Variants in DMD observed in about 807,000 individuals in gnomAD.
DMD encodes the protein mutant dystrophin.
DMD carries 63 observed loss-of-function variants against 330.1 expected under a neutral mutation model. The ratio of observed to expected loss-of-function variants is 0.19; its 90% CI spans 0.16 to 0.24. The LOEUF is 0.24. Among genes scored for constraint, DMD ranks in the 10% least tolerant of loss-of-function variants. The probability of loss-of-function intolerance (pLI) is 1.00; values close to 1 mark genes in which losing one functional copy is unlikely to be tolerated. For synonymous variants in DMD, 1,223 were observed against 959.8 expected, an observed-to-expected ratio of 1.27 and a Z score of -5.07; for missense variants, 3,344 against 2,684.1, an observed-to-expected ratio of 1.25 and a Z score of -5.43.
intron 13 of DMD, among the ~76,000 whole-genome samples, chrX:32,588,109 C>T (rs932675921): frequency 2.0e-4 from 22 of 112,276 alleles, no homozygotes; most frequent in Non-Finnish European, 3.8e-4. Context: ...ACCGTCTGTT[C>T]ATAGGTTCAT....
intron 1 of DMD, among the ~76,000 whole-genome samples, chrX:33,057,194 A>G (rs1243726856): frequency 9.0e-6 from 1 of 111,377 alleles, no homozygotes; most frequent in Non-Finnish European, 1.9e-5. Context: ...CTTCTACAAT[A>G]GCAAAATTCA....
chrX:31,215,524 G>T (rs1052055167), intron 64 of DMD, among the ~76,000 whole-genome samples: 1 of 111,444 alleles, frequency 9.0e-6, no homozygotes. Context: ...AATGTCTTTT[G>T]GTTCTTCTTT....
intron 17 of DMD, among the ~76,000 whole-genome samples, chrX:32,522,254 C>T (rs2046503925): frequency 1.8e-5 from 2 of 111,899 alleles, no homozygotes; most frequent in African/African-American, 3.2e-5. Context: ...TCTGTGTTGC[C>T]ATTAAATGTG....
Position 32,464,610 on chromosome X carries a change from T to G in DMD, c.3252A>C (p.Leu1084=), listed in dbSNP as rs1186725881. Reference sequence around the variant, plus strand: ...CTCTGCACTGTTTCAGCTGCTTTTTTAGAATTTCTGAATCCCCAAGGGCAG... The same window carrying G: ...CTCTGCACTGTTTCAGCTGCTTTTTGAGAATTTCTGAATCCCCAAGGGCAG... ...EWPALGDSEI[L]KKQLKQCRLL... is the part of the protein sequence containing the mutation. Residue 1084 remains leucine, a synonymous_variant, in exon 24 of 79, where the codon CTA becomes CTC. Transcript: ENST00000357033. The G allele has an allele frequency of 3.3e-6, 4 of 1,206,648 alleles. No homozygotes were observed. Among genetic ancestry groups the G allele is most frequent in the African/African-American group, 3.5e-5 (2 of 57,098 alleles).
At chrX:31,171,274 C>G (rs1220030839) in intron 73 of DMD, among the ~76,000 whole-genome samples, 1 of 111,674 alleles carries the variant, frequency 9.0e-6, no homozygotes, top group South Asian at 3.8e-4. Context: ...TTAGCTTGAT[C>G]GTTTATGTAC....
At chrX:32,857,807 G>A (rs1219935176) in intron 2 of DMD, among the ~76,000 whole-genome samples, 1 of 111,533 alleles carries the variant, frequency 9.0e-6, no homozygotes, top group African/African-American at 3.3e-5. Context: ...CTACGTTTGG[G>A]TTTGGAGACA....
At chrX:33,132,461 G>A (rs765574651) in intron 1 of DMD, among the ~76,000 whole-genome samples, 5 of 111,971 alleles carry the variant, frequency 4.5e-5, no homozygotes, top group African/African-American at 1.3e-4. Context: ...AAAAAAAAGC[G>A]TGCTTTCTTT....
intron 41 of DMD, among the ~76,000 whole-genome samples, chrX:32,313,712 A>C (rs746424671): frequency 8.5e-4 from 95 of 112,100 alleles, no homozygotes; most frequent in African/African-American, 2.8e-3. Context: ...GTCTCAGGAT[A>C]CAAAATCAAC....
At chrX:31,736,211 G>A (rs774166656) in intron 51 of DMD, among the ~76,000 whole-genome samples, 6 of 111,801 alleles carry the variant, frequency 5.4e-5, no homozygotes, top group East Asian at 2.8e-4. Flanking sequence ...CTGAGAATGC[G>A]TTTCAAATTT....
chrX:31,669,322 C>CA (rs2081610250), intron 53 of DMD, among the ~76,000 whole-genome samples: 1 of 111,981 alleles, frequency 8.9e-6, no homozygotes, highest in Non-Finnish European at 1.9e-5. Flanking sequence ...TGTAAGGTGA[C>CA]ATCTCACTGC....
rs190385239 is a variant in DMD at position 32,783,471 on chromosome X, G to A, written c.649+26022C>T. Among the ~76,000 whole-genome samples the A allele has an allele frequency of 6.9e-3, 748 of 107,814 alleles. 3 individuals carry two copies. Among genetic ancestry groups the A allele is most frequent in the Middle Eastern group, 0.025 (5 of 197 alleles). 93.6% of individuals were successfully genotyped at this position (107,814 alleles called of 115,157 possible). A position where few individuals can be genotyped will look rare whatever the true frequency, so the allele number is the denominator to read the frequency against. Reference sequence around the variant, plus strand: ...GTTTCCCAAATAAAAAAATATTCAGGAAATACAATAAAAATTAACAGGATA... The same window carrying A: ...GTTTCCCAAATAAAAAAATATTCAGAAAATACAATAAAAATTAACAGGATA... On this transcript the variant is annotated intron_variant, in intron 7 of 78. Coordinates refer to ENST00000357033, the MANE Select transcript of DMD (RefSeq NM_004006.3).
intron 2 of DMD, among the ~76,000 whole-genome samples, chrX:33,009,266 A>G (rs1461025019): frequency 1.2e-5 from 1 of 84,580 alleles, no homozygotes; most frequent in African/African-American, 4.5e-5. Flanking sequence ...GTATGTGTGT[A>G]TATATACACA....
chrX:32,748,052 A>G (rs981307702), intron 7 of DMD, among the ~76,000 whole-genome samples: 1 of 111,398 alleles, frequency 9.0e-6, no homozygotes, highest in Non-Finnish European at 1.9e-5. Flanking sequence ...TCCTTAAAGA[A>G]AAAGTGTAGG....
rs2041239069 is a variant in DMD, at chrX:31,182,312, G to C, written c.9974+426C>G. On this transcript the variant is annotated intron_variant, in intron 68 of 78. Coordinates refer to ENST00000357033, the MANE Select transcript of DMD (RefSeq NM_004006.3). The stretch of plus-strand genomic sequence containing the variant: ...GAATGAGAGACTGAGCTACTATTAT[G>C]GTTCCTCCCAGAATAGAATCATCTC... 2.7e-5 allele frequency among the ~76,000 whole-genome samples: 3 copies of C among 112,098 alleles called. No homozygotes were observed. The Admixed American group carries it at 2.8e-4, about 11-fold the overall frequency.
At chrX:32,763,886 T>C (rs1339258915) in intron 7 of DMD, among the ~76,000 whole-genome samples, 1 of 111,255 alleles carries the variant, frequency 9.0e-6, no homozygotes, top group Non-Finnish European at 1.9e-5. Context: ...ATAAAAAACG[T>C]TTGTTGATTA....
At chrX:31,248,645 T>C (rs553053349) in intron 63 of DMD, among the ~76,000 whole-genome samples, 139 of 112,271 alleles carry the variant, frequency 1.2e-3, no homozygotes, top group Non-Finnish European at 2.2e-3. Context: ...TGATACTTTC[T>C]CTGCCTTTTC....
intron 45 of DMD, among the ~76,000 whole-genome samples, chrX:31,937,057 T>G (rs1603616646): frequency 9.0e-6 from 1 of 111,413 alleles, no homozygotes; most frequent in African/African-American, 3.2e-5. Context: ...ATGTAATGTA[T>G]CATTCAGTCA....
rs111734143 is a variant in DMD at position 31,991,244 on chromosome X, T to A, written c.6439-22730A>T. Among the ~76,000 whole-genome samples, 779 of 111,653 alleles carry A rather than the reference T, an allele frequency of 7.0e-3. 8 individuals carry two copies. Among genetic ancestry groups the A allele is most frequent in the African/African-American group, 0.02 (623 of 30,765 alleles). On this transcript the variant is annotated intron_variant, in intron 44 of 78. Coordinates refer to ENST00000357033, the MANE Select transcript of DMD (RefSeq NM_004006.3). ...TTAAGGAGACAAACGATATGATAAA[T>A]GTTATTTTTATGGCTGATCACAGTA...
intron 9 of DMD, among the ~76,000 whole-genome samples, chrX:32,646,223 A>G (rs2059775737): frequency 9.0e-6 from 1 of 111,576 alleles, no homozygotes; most frequent in Non-Finnish European, 1.9e-5. Flanking sequence ...GGGATAAACT[A>G]CATGTCTGCT....
Sources: gnomAD v4.1 joint callset for allele counts (sites outside exome capture counted in the v4.1 genomes callset) on GRCh38, gnomAD v4.1.1 for gene constraint, MANE v1.5 for transcripts, NCBI Gene and HGNC (gene_info 2026-07-23, HGNC 2026-07-21) for gene names.